Variants in TGM3 observed in about 807,000 individuals in gnomAD.
The protein encoded by TGM3 is protein-glutamine gamma-glutamyltransferase E.
In TGM3, 52 loss-of-function variants were observed where a neutral mutation model predicts 73.8. That is an observed-to-expected ratio of 0.70 (90% CI 0.56 to 0.89). The LOEUF is 0.89. TGM3 is among the 40% of genes least tolerant of loss of function. TGM3 has a pLI of 0.00. For missense variants in TGM3, 928 were observed against 909.9 expected (o/e 1.02, Z -0.26); for synonymous variants, 372 against 354.9 (o/e 1.05, Z -0.54).
Position 2,335,153 on chromosome 20 carries a change from T to C in TGM3, c.1680T>C (p.Tyr560=), listed in dbSNP as rs767948908. 6 of 1,614,092 alleles carry C rather than the reference T, an allele frequency of 3.7e-6. No homozygotes were observed. The highest frequency in any genetic ancestry group is 5.1e-6 in the Non-Finnish European group (6 of 1,180,042). Residue 560 remains tyrosine, a synonymous_variant, in exon 11 of 13, where the codon TAT becomes TAC. Coordinates refer to ENST00000381458, the MANE Select transcript of TGM3 (RefSeq NM_003245.4). ...CCATAAAGATCTCGTACGCTCAGTA[T>C]GAGAAGTACCTGAAGTCAGACAACA... ...EHPIKISYAQ[Y]EKYLKSDNMI...
At chr20:2,318,966 G>A (rs1320699880) in intron 7 of TGM3, among the ~76,000 whole-genome samples, 1 of 152,194 alleles carries the variant, frequency 6.6e-6, no homozygotes. Context: ...ACTCACCCCA[G>A]AGTCAATGGA....
intron 11 of TGM3, among the ~76,000 whole-genome samples, chr20:2,338,370 G>A (rs1568635199): frequency 6.6e-6 from 1 of 151,892 alleles, no homozygotes; most frequent in Non-Finnish European, 1.5e-5. Flanking sequence ...AAAAAAGCAT[G>A]GAAATCTCAA....
At chr20:2,319,386 C>T (rs951428021) in intron 7 of TGM3, among the ~76,000 whole-genome samples, 5 of 152,126 alleles carry the variant, frequency 3.3e-5, no homozygotes, top group Non-Finnish European at 5.9e-5. Flanking sequence ...CTAGTAGAGG[C>T]TAATTAGCAA....
intron 7 of TGM3, among the ~76,000 whole-genome samples, chr20:2,323,503 T>C (rs2012787): frequency 0.76 from 115,726 of 152,160 alleles, 44,249 homozygotes; most frequent in East Asian, 0.93. Flanking sequence ...AACAATGCCT[T>C]GGTGGACACC....
rs181671770 is a variant in TGM3, at chr20:2,299,692, G to A, written c.7+3622G>A. Among the ~76,000 whole-genome samples, 5 of 152,312 alleles carry A rather than the reference G, an allele frequency of 3.3e-5. No individual in the cohort carries two copies. The East Asian group carries it at 9.7e-4, about 29-fold the overall frequency. On this transcript the variant is annotated intron_variant, in intron 1 of 12. Coordinates refer to ENST00000381458, the MANE Select transcript of TGM3 (RefSeq NM_003245.4). ...GCCTCCTTCCTATAGCTGCCGGGTG[G>A]CTCTGGTCAGGTAATTTATGTGAAG...
At chr20:2,340,033 C>CGGGGGGGGGGGGGGG in intron 12 of TGM3, 46 bp downstream of exon 12, 1 of 196,588 alleles carries the variant, frequency 5.1e-6, no homozygotes, top group Admixed American at 8.3e-5. Flanking sequence ...CGGGAGGGGG[C>CGGGGGGGGGGGGGGG]GGGGGGGCCC....
intron 7 of TGM3, 102 bp from the exon 8 acceptor site, chr20:2,325,747 G>A: frequency 1.2e-6 from 1 of 820,150 alleles, no homozygotes; most frequent in Non-Finnish European, 2.1e-6. Flanking sequence ...CTCACTCGAT[G>A]CATGTTGTCA....
intron 1 of TGM3, among the ~76,000 whole-genome samples, chr20:2,298,452 A>G (rs1600687829): frequency 6.6e-6 from 1 of 152,336 alleles, no homozygotes; most frequent in Non-Finnish European, 1.5e-5. Context: ...CCTGAACCAC[A>G]GGCTTCTGCC....
At chr20:2,314,182 A>G (rs1213416007) in intron 5 of TGM3, among the ~76,000 whole-genome samples, 1 of 151,932 alleles carries the variant, frequency 6.6e-6, no homozygotes, top group Non-Finnish European at 1.5e-5. Flanking sequence ...ACAAACAAAC[A>G]AAAATTAGCC....
At chr20:2,301,192 G>A (rs1317072901) in intron 1 of TGM3, among the ~76,000 whole-genome samples, 1 of 151,746 alleles carries the variant, frequency 6.6e-6, no homozygotes, top group Non-Finnish European at 1.5e-5. Flanking sequence ...AAGAGAGAAA[G>A]GAGAGAGAGA....
At chr20:2,307,924 A>G (rs189785326) in intron 1 of TGM3, among the ~76,000 whole-genome samples, 3 of 152,222 alleles carry the variant, frequency 2.0e-5, no homozygotes, top group East Asian at 1.9e-4. Flanking sequence ...GCATCAGAAT[A>G]TAAAGATCAA....
intron 9 of TGM3, among the ~76,000 whole-genome samples, chr20:2,331,177 A>C (rs214823): frequency 0.96 from 146,159 of 152,132 alleles, 70,277 homozygotes; most frequent in East Asian, 1. Context: ...TGGAAGGTCA[A>C]CACCTTCTCC....
intron 1 of TGM3, among the ~76,000 whole-genome samples, chr20:2,297,177 G>A (rs1217382280): frequency 6.6e-6 from 1 of 152,226 alleles, no homozygotes; most frequent in Non-Finnish European, 1.5e-5. Context: ...GGCCCAGGAA[G>A]GGGTGGAACC....
At chr20:2,329,673 G>A (rs2084308764) in intron 9 of TGM3, among the ~76,000 whole-genome samples, 1 of 152,074 alleles carries the variant, frequency 6.6e-6, no homozygotes, top group African/African-American at 2.4e-5. Flanking sequence ...GGGGCGGAAG[G>A]TGAACTCTAG....
At chr20:2,306,445 T>C (rs6048037) in intron 1 of TGM3, among the ~76,000 whole-genome samples, 2,306 of 151,226 alleles carry the variant, frequency 0.015, 72 homozygotes, top group African/African-American at 0.052. Context: ...ATTTGAGAGG[T>C]CTTCTTTTTT....
Position 2,329,368 on chromosome 20 carries a change from C to G in TGM3, c.1333+1003C>G, listed in dbSNP as rs532558606. On this transcript the variant is annotated intron_variant, in intron 9 of 12. Transcript: ENST00000381458. ...CTTCAAGTCCAAGTGGGTGCCCCCCCAGGTGCTGGTATTTGTGAACATTTG... is the reference window on the plus strand; with the variant it reads ...CTTCAAGTCCAAGTGGGTGCCCCCCGAGGTGCTGGTATTTGTGAACATTTG... Among the ~76,000 whole-genome samples the G allele has an allele frequency of 2.6e-5, 4 of 152,156 alleles. No homozygotes were observed. The East Asian group carries it at 7.7e-4, about 29-fold the overall frequency.
At chr20:2,297,976 A>T (rs1600687532) in intron 1 of TGM3, among the ~76,000 whole-genome samples, 1 of 152,286 alleles carries the variant, frequency 6.6e-6, no homozygotes, top group Admixed American at 6.5e-5. Context: ...GGGGACCAAC[A>T]AGAGAAGGAG....
At position 2,332,025 on chromosome 20, in the gene TGM3, T is replaced by C; in HGVS notation, c.1357T>C (p.Phe453Leu). The C allele has an allele frequency of 1.2e-6, 2 of 1,610,630 alleles. No individual in the cohort carries two copies. The highest frequency in any genetic ancestry group is 8.5e-7 in the Non-Finnish European group (1 of 1,178,028). The change falls in exon 10 of 13, where the codon TTC (phenylalanine) becomes CTC (leucine). Residue 453 changes from phenylalanine to leucine, a missense_variant. Phe to Leu is a conservative substitution (Grantham distance 22). Coordinates refer to ENST00000381458, the MANE Select transcript of TGM3 (RefSeq NM_003245.4). This position sits in a 1 kb window ranked among gnomAD's most constrained non-coding sequence, Gnocchi z 4.4. ...AGGCTCTGACCAGGAAAGACAAGTG[T>C]TCCAAAAGGCTTTGGGGAAACTTAA... ...PEGSDQERQV[F>L]QKALGKLKPN...
chr20:2,311,744 T>C (rs1197697525), intron 4 of TGM3, among the ~76,000 whole-genome samples: 2 of 152,036 alleles, frequency 1.3e-5, no homozygotes, highest in African/African-American at 4.8e-5. Flanking sequence ...ACCCTGTCTG[T>C]AGTCAACTGG....
Sources: allele counts gnomAD v4.1 joint callset (sites outside exome capture counted in the v4.1 genomes callset), GRCh38; gene constraint gnomAD v4.1.1; non-coding constraint Gnocchi (gnomAD v3.1); transcripts MANE v1.5; gene names NCBI Gene and HGNC (gene_info 2026-07-23, HGNC 2026-07-21).